Variants in SPATA18 observed in about 807,000 individuals in gnomAD.
The protein encoded by SPATA18 is mitochondria-eating protein.
A neutral mutation model predicts 68.1 loss-of-function variants in SPATA18; 54 were observed. The ratio of observed to expected loss-of-function variants is 0.79; its 90% CI spans 0.64 to 0.99. SPATA18 has a LOEUF of 0.99. Ranked by LOEUF, SPATA18 falls within the 50% of genes least tolerant of loss-of-function variation. The pLI is 0.00. For synonymous variants in SPATA18, 242 were observed against 244.8 expected (o/e 0.99, Z 0.11); for missense variants, 724 against 681.1 (o/e 1.06, Z -0.70).
chr4:52,096,455 A>G lies in SPATA18; in HGVS notation c.*1568A>G, dbSNP rs1742429459. On this transcript the variant is annotated 3_prime_UTR_variant, in exon 13 of 13. Coordinates refer to ENST00000295213, the MANE Select transcript of SPATA18 (RefSeq NM_145263.4). Reference sequence around the variant, plus strand: ...TAACAAGTATTTTATTCTGAATATGAAATGAAAATTAAAGTTAATATAATC... The same window carrying G: ...TAACAAGTATTTTATTCTGAATATGGAATGAAAATTAAAGTTAATATAATC... The G allele has an allele frequency of 6.6e-6, 1 of 152,186 alleles. No homozygotes were observed. Among genetic ancestry groups the G allele is most frequent in the Non-Finnish European group, 1.5e-5 (1 of 68,040 alleles). 9.4% of individuals were successfully genotyped at this position (152,186 alleles called of 1,614,324 possible).
chr4:52,087,769 A>G (rs1204977133), intron 11 of SPATA18, among the ~76,000 whole-genome samples: 8 of 151,964 alleles, frequency 5.3e-5, no homozygotes, highest in Non-Finnish European at 1.0e-4. Flanking sequence ...TTTTGGTTCC[A>G]TATGAAATTT....
intron 11 of SPATA18, among the ~76,000 whole-genome samples, chr4:52,092,276 C>T (rs544526352): frequency 6.6e-6 from 1 of 151,946 alleles, no homozygotes; most frequent in South Asian, 2.1e-4. Context: ...AAAAAAAGCC[C>T]CTGCAGCTAG....
chr4:52,074,355 G>T (rs1324151238), intron 6 of SPATA18, among the ~76,000 whole-genome samples: 1 of 152,204 alleles, frequency 6.6e-6, no homozygotes, highest in Non-Finnish European at 1.5e-5. Context: ...TGATTAAAAT[G>T]TTGGAAACAA....
chr4:52,094,729 C>A, intron 12 of SPATA18, 151 bp from the exon 13 acceptor site: 1 of 1,271,164 alleles, frequency 7.9e-7, no homozygotes, highest in Non-Finnish European at 1.1e-6. Context: ...TGATGGTACC[C>A]AGGCAGGTCC....
chr4:52,076,339 TA>T, intron 6 of SPATA18, among the ~76,000 whole-genome samples: 1 of 152,196 alleles, frequency 6.6e-6, no homozygotes, highest in Non-Finnish European at 1.5e-5. Flanking sequence ...AGTTTTGGGA[TA>T]AAGCCAAAAA....
chr4:52,074,762 T>A (rs1221140160), intron 6 of SPATA18, among the ~76,000 whole-genome samples: 1 of 152,112 alleles, frequency 6.6e-6, no homozygotes, highest in Non-Finnish European at 1.5e-5. Context: ...GAAGTTCCAA[T>A]GATATTATAA....
At chr4:52,074,982 G>T (rs1296825099) in intron 6 of SPATA18, among the ~76,000 whole-genome samples, 2 of 152,162 alleles carry the variant, frequency 1.3e-5, no homozygotes, top group Non-Finnish European at 1.5e-5. Context: ...GGATGACTTT[G>T]AGAGGCTTGG....
intron 11 of SPATA18, among the ~76,000 whole-genome samples, chr4:52,093,323 G>T (rs1012488027): frequency 6.6e-5 from 10 of 152,120 alleles, no homozygotes; most frequent in Non-Finnish European, 8.8e-5. Flanking sequence ...CATGAGGAAG[G>T]CATTCAATGG....
At chr4:52,066,393 G>T (rs920816035) in intron 4 of SPATA18, among the ~76,000 whole-genome samples, 1 of 151,964 alleles carries the variant, frequency 6.6e-6, no homozygotes, top group East Asian at 1.9e-4. Flanking sequence ...CTCATGATCC[G>T]CCCACCTCAG....
intron 11 of SPATA18, 26 bp downstream of exon 11, chr4:52,085,025 C>T: frequency 6.5e-7 from 1 of 1,537,438 alleles, no homozygotes; most frequent in Non-Finnish European, 8.9e-7. Context: ...ATCATTTTTA[C>T]ACAAAATTCA....
chr4:52,067,988 A>G (rs1439415236), intron 4 of SPATA18, among the ~76,000 whole-genome samples: 1 of 152,240 alleles, frequency 6.6e-6, no homozygotes, highest in East Asian at 1.9e-4. Context: ...AACAATTGTT[A>G]GCATATGGAT....
intron 1 of SPATA18, 99 bp from the exon 2 acceptor site, chr4:52,060,320 G>C (rs555377911): frequency 1.1e-6 from 1 of 882,028 alleles, no homozygotes; most frequent in East Asian, 2.6e-5. Flanking sequence ...AAGCATACCA[G>C]AGCCAGGCAG....
At chr4:52,090,407 A>G (rs1741830150) in intron 11 of SPATA18, among the ~76,000 whole-genome samples, 1 of 152,140 alleles carries the variant, frequency 6.6e-6, no homozygotes, top group African/African-American at 2.4e-5. Flanking sequence ...TTGTTTTTGC[A>G]GTGGCTGGTA....
intron 11 of SPATA18, among the ~76,000 whole-genome samples, chr4:52,089,907 T>C (rs1334164453): frequency 6.6e-6 from 1 of 152,192 alleles, no homozygotes; most frequent in East Asian, 1.9e-4. Context: ...ACTATTATTG[T>C]GTGGGAGTAT....
chr4:52,086,264 C>T (rs1741425329), intron 11 of SPATA18, among the ~76,000 whole-genome samples: 1 of 152,086 alleles, frequency 6.6e-6, no homozygotes, highest in African/African-American at 2.4e-5. Context: ...TCCTTACTGA[C>T]TTTTTTCTTT....
chr4:52,093,540 G>T (rs1440946552), intron 11 of SPATA18, among the ~76,000 whole-genome samples: 2 of 152,078 alleles, frequency 1.3e-5, no homozygotes, highest in Admixed American at 6.6e-5. Context: ...GTAAGTAAAA[G>T]CAAAACAATA....
chr4:52,075,335 G>A (rs956147885), intron 6 of SPATA18, among the ~76,000 whole-genome samples: 1 of 152,156 alleles, frequency 6.6e-6, no homozygotes, highest in Admixed American at 6.5e-5. Context: ...TGCTGTCACC[G>A]TGTAATTAGT....
chr4:52,094,980 TTAAGA>T lies in SPATA18; in HGVS notation c.*97_*101del. On this transcript the variant is annotated 3_prime_UTR_variant, in exon 13 of 13. Coordinates refer to ENST00000295213, the MANE Select transcript of SPATA18 (RefSeq NM_145263.4). Reference sequence around the variant, plus strand: ...CTTCTGTGTCTGCCTCAGACCTCACTTAAGATAATGTCAAAAGGCAATTCTGTGTA... The same window carrying T: ...CTTCTGTGTCTGCCTCAGACCTCACTTAATGTCAAAAGGCAATTCTGTGTA... The T allele has an allele frequency of 6.7e-7, 1 of 1,485,982 alleles. No individual in the cohort carries two copies. Among genetic ancestry groups the T allele is most frequent in the Non-Finnish European group, 9.4e-7 (1 of 1,064,082 alleles). 92.0% of individuals were successfully genotyped at this position (1,485,982 alleles called of 1,614,324 possible).
At chr4:52,065,216 G>A (rs1739218855) in intron 4 of SPATA18, among the ~76,000 whole-genome samples, 1 of 151,762 alleles carries the variant, frequency 6.6e-6, no homozygotes, top group Admixed American at 6.6e-5. Context: ...CCATTCTGTG[G>A]GTTGTCTGTT....
Sources: allele counts gnomAD v4.1 joint callset (sites outside exome capture counted in the v4.1 genomes callset), GRCh38; gene constraint gnomAD v4.1.1; transcripts MANE v1.5; gene names NCBI Gene and HGNC (gene_info 2026-07-23, HGNC 2026-07-21).